SLC26A4: variants seen among roughly 807,000 people sequenced by gnomAD.
The protein encoded by SLC26A4 is solute carrier family 26 member 4, also known as pendrin.
A neutral mutation model predicts 90.4 loss-of-function variants in SLC26A4; 93 were observed. That is an observed-to-expected ratio of 1.03 (90% CI 0.87 to 1.22). The LOEUF (loss-of-function observed/expected upper bound fraction) is 1.22, where lower values mean the gene tolerates loss of function less well. Ranked by LOEUF, SLC26A4 falls within the 50% of genes most tolerant of loss-of-function variation. SLC26A4 has a pLI of 0.00. For missense variants in SLC26A4, 1,127 were observed against 946.2 expected (o/e 1.19, Z -2.51); for synonymous variants, 393 against 354.6 (o/e 1.11, Z -1.22).
rs1357039680 is a variant in SLC26A4 at position 107,697,954 on chromosome 7, T to TG, written c.1545-85dup. On this transcript the variant is annotated intron_variant, in intron 13 of 20. Transcript: ENST00000644269. ...GACAGAGTCCAAAACACCAGAATGATGGGCTCTTTAGTAGCTGTTGTTTTT... is the reference window on the plus strand; with the variant it reads ...GACAGAGTCCAAAACACCAGAATGATGGGGCTCTTTAGTAGCTGTTGTTTTT... 10 of 819,914 alleles carry TG rather than the reference T, an allele frequency of 1.2e-5. No homozygotes were observed. In the Admixed American group the frequency reaches 1.8e-4, roughly 15 times the overall value. 50.8% of individuals were successfully genotyped at this position (819,914 alleles called of 1,614,324 possible). A position where few individuals can be genotyped will look rare whatever the true frequency, so the allele number is the denominator to read the frequency against.
At chr7:107,683,636 A>G (rs1791316974) in intron 8 of SLC26A4, 99 bp downstream of exon 8, 2 of 899,138 alleles carry the variant, frequency 2.2e-6, no homozygotes, top group Non-Finnish European at 3.5e-6. Context: ...TTTCACTGAT[A>G]CTCCTTCAAT....
intron 8 of SLC26A4, among the ~76,000 whole-genome samples, chr7:107,686,467 C>CT (rs1791423666): frequency 3.0e-5 from 1 of 33,614 alleles, no homozygotes; most frequent in Non-Finnish European, 5.6e-5. Context: ...TCTTTCTTTC[C>CT]TTCTTTCTTT....
chr7:107,675,765 G>C (rs550931162), intron 6 of SLC26A4, among the ~76,000 whole-genome samples: 27 of 151,808 alleles, frequency 1.8e-4, no homozygotes, highest in African/African-American at 6.0e-4. Flanking sequence ...GTAGAGACAG[G>C]GTTTCACCAT....
At chr7:107,696,706 T>C (rs1791753300) in intron 13 of SLC26A4, among the ~76,000 whole-genome samples, 1 of 152,188 alleles carries the variant, frequency 6.6e-6, no homozygotes, top group Non-Finnish European at 1.5e-5. Flanking sequence ...ATTTAAATAA[T>C]GGAAAACAGC....
chr7:107,705,001 G>A lies in SLC26A4; in HGVS notation c.2089+616G>A, dbSNP rs140831380. 2.5e-3 allele frequency among the ~76,000 whole-genome samples: 374 copies of A among 152,040 alleles called. 2 individuals are homozygous for A. The highest frequency in any genetic ancestry group is 8.7e-3 in the African/African-American group (359 of 41,442). On this transcript the variant is annotated intron_variant, in intron 18 of 20. Coordinates refer to ENST00000644269, the MANE Select transcript of SLC26A4 (RefSeq NM_000441.2). ...ATTTTTATTTTTTATTTTACTATGT[G>A]CCTGTGCCTTGCATGACCCCAGGAT...
intron 8 of SLC26A4, among the ~76,000 whole-genome samples, chr7:107,686,399 TCTC>T (rs1791412023): frequency 1.4e-5 from 2 of 141,076 alleles, no homozygotes; most frequent in African/African-American, 5.3e-5. Flanking sequence ...CCTTCCTCTC[TCTC>T]TTTTTTCTTT....
chr7:107,712,412 C>A, intron 19 of SLC26A4, 127 bp from the exon 20 acceptor site: 1 of 667,780 alleles, frequency 1.5e-6, no homozygotes, highest in South Asian at 1.7e-5. Flanking sequence ...AAGAACAATA[C>A]AGCTGAAGAG....
intron 10 of SLC26A4, among the ~76,000 whole-genome samples, chr7:107,692,537 C>T (rs910722229): frequency 6.6e-6 from 1 of 152,196 alleles, no homozygotes; most frequent in African/African-American, 2.4e-5. Flanking sequence ...ATCTATGATA[C>T]ATATATTGTG....
chr7:107,703,879 C>G (rs1196009441), intron 17 of SLC26A4, among the ~76,000 whole-genome samples: 3 of 152,064 alleles, frequency 2.0e-5, no homozygotes, highest in African/African-American at 7.2e-5. Flanking sequence ...TACCCCTTAC[C>G]CAGTTTCTCC....
intron 12 of SLC26A4, among the ~76,000 whole-genome samples, chr7:107,695,245 C>T (rs1010459517): frequency 6.6e-6 from 1 of 151,758 alleles, no homozygotes; most frequent in East Asian, 1.9e-4. Context: ...GAAAAAGAGA[C>T]CAGAATAGAA....
In SLC26A4 at chr7:107,694,395, T is replaced by C; in HGVS notation, c.1264-8T>C. The C allele has an allele frequency of 1.2e-6, 2 of 1,611,352 alleles. No individual in the cohort carries two copies. The highest frequency in any genetic ancestry group is 1.7e-6 in the Non-Finnish European group (2 of 1,177,590). The stretch of plus-strand genomic sequence containing the variant: ...GAATCCTTTTCATAGGAGGTGTGTG[T>C]CTTCCAGGTTGCTGGCATCATCTCT... On this transcript the variant is annotated splice_polypyrimidine_tract_variant and splice_region_variant and intron_variant, in intron 10 of 20. Coordinates refer to ENST00000644269, the MANE Select transcript of SLC26A4 (RefSeq NM_000441.2).
intron 3 of SLC26A4, among the ~76,000 whole-genome samples, chr7:107,671,422 A>G (rs1192906030): frequency 1.3e-5 from 2 of 152,210 alleles, no homozygotes; most frequent in East Asian, 3.9e-4. Flanking sequence ...TGGCTTCCCA[A>G]AGCACTGGGA....
At chr7:107,703,325 T>C (rs772858769) in intron 17 of SLC26A4, among the ~76,000 whole-genome samples, 17 of 152,204 alleles carry the variant, frequency 1.1e-4, no homozygotes, top group Admixed American at 3.9e-4. Flanking sequence ...AGCTGACTCC[T>C]AACTGAGGTT....
intron 14 of SLC26A4, 81 bp from the exon 15 acceptor site, chr7:107,700,002 T>G: frequency 2.4e-6 from 2 of 845,492 alleles, no homozygotes; most frequent in South Asian, 2.7e-5. Flanking sequence ...GTGACTTGAC[T>G]CCTTGCTAAG....
At chr7:107,696,084 C>G (rs778638619) in intron 13 of SLC26A4, 45 bp downstream of exon 13, 2 of 1,033,332 alleles carry the variant, frequency 1.9e-6, no homozygotes, top group Non-Finnish European at 1.5e-6. Context: ...GAACAACACA[C>G]TCTGAGCTTC....
intron 3 of SLC26A4, among the ~76,000 whole-genome samples, chr7:107,666,047 C>T (rs893247446): frequency 4.6e-5 from 7 of 152,072 alleles, no homozygotes; most frequent in Admixed American, 4.6e-4. Flanking sequence ...GCCATGTGCA[C>T]TCAGTGGTTC....
intron 10 of SLC26A4, among the ~76,000 whole-genome samples, chr7:107,691,008 C>T (rs1791551509): frequency 6.6e-6 from 1 of 151,736 alleles, no homozygotes; most frequent in Admixed American, 6.6e-5. Flanking sequence ...TCTCTTATGC[C>T]TTGAGGTCCT....
chr7:107,710,568 A>C (rs1426276160), intron 19 of SLC26A4, among the ~76,000 whole-genome samples: 1 of 152,244 alleles, frequency 6.6e-6, no homozygotes, highest in Non-Finnish European at 1.5e-5. Context: ...AGCAATCTGG[A>C]AAACCTTGAA....
Position 107,674,146 on chromosome 7 carries a change from G to A in SLC26A4, c.416-18G>A. 6.2e-7 allele frequency: 1 copy of A among 1,612,600 alleles called. No homozygotes were observed. The highest frequency in any genetic ancestry group is 1.3e-5 in the African/African-American group (1 of 75,006). On this transcript the variant is annotated intron_variant, in intron 4 of 20. Coordinates refer to ENST00000644269, the MANE Select transcript of SLC26A4 (RefSeq NM_000441.2). ...GTGATTAATAACTGATTAATTGTTAGAGACTTTTTTTCCCCAGGACCTTTT... is the reference window on the plus strand; with the variant it reads ...GTGATTAATAACTGATTAATTGTTAAAGACTTTTTTTCCCCAGGACCTTTT...
Sources: gnomAD v4.1 joint callset for allele counts (sites outside exome capture counted in the v4.1 genomes callset) on GRCh38, gnomAD v4.1.1 for gene constraint, MANE v1.5 for transcripts, NCBI Gene and HGNC (gene_info 2026-07-23, HGNC 2026-07-21) for gene names.